Variants in ALDH1A2 observed in about 807,000 individuals in gnomAD.
The protein encoded by ALDH1A2 is aldehyde dehydrogenase 1 family member A2.
A neutral mutation model predicts 60.3 loss-of-function variants in ALDH1A2; 27 were observed. The ratio of observed to expected loss-of-function variants is 0.45; its 90% CI spans 0.33 to 0.62. ALDH1A2 has a LOEUF of 0.62. Ranked by LOEUF, ALDH1A2 falls within the 20% of genes least tolerant of loss-of-function variation. ALDH1A2 has a pLI of 0.02. For synonymous variants in ALDH1A2, 289 were observed against 232.4 expected, an observed-to-expected ratio of 1.24 and a Z score of -2.21; for missense variants, 581 against 643.8, an observed-to-expected ratio of 0.90 and a Z score of 1.06.
intron 1 of ALDH1A2, among the ~76,000 whole-genome samples, chr15:58,016,357 T>C (rs1441719400): frequency 2.6e-5 from 4 of 152,076 alleles, no homozygotes; most frequent in Non-Finnish European, 5.9e-5. Flanking sequence ...TTGGCCAGGC[T>C]GGTCATGAAC....
At chr15:57,988,494 C>G (rs1380732848) in intron 7 of ALDH1A2, among the ~76,000 whole-genome samples, 1 of 152,110 alleles carries the variant, frequency 6.6e-6, no homozygotes, top group African/African-American at 2.4e-5. Flanking sequence ...AAAATGAAAA[C>G]ACGAAGAGTA....
At chr15:58,014,627 T>C (rs1480940754) in intron 1 of ALDH1A2, 1 of 438,610 alleles carries the variant, frequency 2.3e-6, no homozygotes, top group African/African-American at 2.0e-5. Context: ...TCCATGAGGG[T>C]TAAATAGCAG....
chr15:57,987,974 C>T (rs543044134), intron 7 of ALDH1A2, among the ~76,000 whole-genome samples: 2 of 150,642 alleles, frequency 1.3e-5, no homozygotes, highest in East Asian at 3.9e-4. Flanking sequence ...ACCTACGCTA[C>T]AAGAAACGTT....
intron 7 of ALDH1A2, among the ~76,000 whole-genome samples, chr15:57,987,322 G>C (rs1894737810): frequency 6.6e-6 from 1 of 151,734 alleles, no homozygotes; most frequent in Non-Finnish European, 1.5e-5. Context: ...CAGATATACA[G>C]AAATTTTAAC....
intron 1 of ALDH1A2, among the ~76,000 whole-genome samples, chr15:58,030,824 G>A (rs1414066861): frequency 6.6e-6 from 1 of 152,116 alleles, no homozygotes; most frequent in South Asian, 2.1e-4. Context: ...CAATTTACAA[G>A]GGATGTGAAG....
At chr15:57,970,762 C>G (rs1329836486) in intron 7 of ALDH1A2, among the ~76,000 whole-genome samples, 3 of 152,116 alleles carry the variant, frequency 2.0e-5, no homozygotes, top group African/African-American at 7.2e-5. Flanking sequence ...TACTAGAGAT[C>G]CCAGTAAACT....
intron 4 of ALDH1A2, among the ~76,000 whole-genome samples, chr15:57,997,920 G>A (rs1319616667): frequency 6.6e-6 from 1 of 152,030 alleles, no homozygotes; most frequent in Non-Finnish European, 1.5e-5. Flanking sequence ...CGCTATTTTT[G>A]TGCTTGAACT....
intron 7 of ALDH1A2, among the ~76,000 whole-genome samples, chr15:57,984,572 T>C (rs1278742779): frequency 6.6e-6 from 1 of 152,224 alleles, no homozygotes; most frequent in South Asian, 2.1e-4. Flanking sequence ...ACTTTCTGTT[T>C]ATAGATTTGC....
At chr15:58,042,542 T>C (rs1357748429) in intron 1 of ALDH1A2, among the ~76,000 whole-genome samples, 1 of 151,958 alleles carries the variant, frequency 6.6e-6, no homozygotes, top group African/African-American at 2.4e-5. Context: ...AAACAATGTA[T>C]GTTTTGGATT....
intron 1 of ALDH1A2, among the ~76,000 whole-genome samples, chr15:58,039,629 T>C (rs1218388751): frequency 3.3e-5 from 5 of 151,888 alleles, no homozygotes; most frequent in Non-Finnish European, 7.4e-5. Flanking sequence ...TTTCCAGAAG[T>C]TGCTGAGGCC....
intron 4 of ALDH1A2, among the ~76,000 whole-genome samples, chr15:58,003,057 G>C (rs1400757306): frequency 6.6e-6 from 1 of 151,906 alleles, no homozygotes; most frequent in Non-Finnish European, 1.5e-5. Flanking sequence ...TCCTGAGTCT[G>C]TCATGAAGAT....
At chr15:58,060,811 C>T (rs367693331) in intron 1 of ALDH1A2, among the ~76,000 whole-genome samples, 23 of 152,272 alleles carry the variant, frequency 1.5e-4, no homozygotes, top group African/African-American at 4.8e-4. Flanking sequence ...GATACTGTCA[C>T]TAAGATAACT....
intron 1 of ALDH1A2, 97 bp from the exon 2 acceptor site, chr15:58,014,378 T>C: frequency 1.1e-6 from 1 of 925,604 alleles, no homozygotes; most frequent in Non-Finnish European, 1.8e-6. Flanking sequence ...ATAACACTTG[T>C]TGTATAATAA....
intron 1 of ALDH1A2, among the ~76,000 whole-genome samples, chr15:58,058,273 G>A (rs891858315): frequency 6.6e-6 from 1 of 151,900 alleles, no homozygotes; most frequent in South Asian, 2.1e-4. Flanking sequence ...GGAGTGACAG[G>A]TGGGGAAAAG....
chr15:57,970,797 A>ATATC (rs1894038648), intron 7 of ALDH1A2, among the ~76,000 whole-genome samples: 1 of 152,148 alleles, frequency 6.6e-6, no homozygotes, highest in Admixed American at 6.5e-5. Context: ...GTGTCTTGTA[A>ATATC]TATCTTTTCA....
Position 57,964,143 on chromosome 15 carries a change from C to G in ALDH1A2, c.902-74G>C. 2.0e-6 allele frequency: 3 copies of G among 1,524,570 alleles called. No homozygotes were observed. The South Asian group carries it at 3.4e-5, about 17-fold the overall frequency. 94.4% of individuals were successfully genotyped at this position (1,524,570 alleles called of 1,614,324 possible). On this transcript the variant is annotated intron_variant, in intron 8 of 12. Coordinates refer to ENST00000249750, the MANE Select transcript of ALDH1A2 (RefSeq NM_003888.4). ...CTGTCTATGAAGCCGCCTCCCTCCC[C>G]TCTCCAAAGCCCTAGGTATAGTGTG... is the stretch of plus-strand genomic sequence containing the variant.
chr15:58,039,906 T>C (rs1170759881), intron 1 of ALDH1A2, among the ~76,000 whole-genome samples: 3 of 151,806 alleles, frequency 2.0e-5, no homozygotes, highest in Non-Finnish European at 4.4e-5. Context: ...ACCTATTATA[T>C]GGTAGGCACT....
intron 1 of ALDH1A2, among the ~76,000 whole-genome samples, chr15:58,059,502 ATCTACCT>A (rs1226892559): frequency 6.6e-6 from 1 of 152,212 alleles, no homozygotes; most frequent in Non-Finnish European, 1.5e-5. Context: ...GTCAAAAGGT[ATCTACCT>A]TCTGAGAATG....
intron 4 of ALDH1A2, among the ~76,000 whole-genome samples, chr15:58,004,517 C>G (rs1895381872): frequency 6.6e-6 from 1 of 151,588 alleles, no homozygotes; most frequent in Non-Finnish European, 1.5e-5. Flanking sequence ...TATTAGGTCT[C>G]TCCGTATGTC....
Sources: allele counts gnomAD v4.1 joint callset (sites outside exome capture counted in the v4.1 genomes callset), GRCh38; gene constraint gnomAD v4.1.1; transcripts MANE v1.5; gene names NCBI Gene and HGNC (gene_info 2026-07-23, HGNC 2026-07-21).